INPP5B: variants seen among roughly 807,000 people sequenced by gnomAD.
INPP5B encodes type II inositol 1,4,5-trisphosphate 5-phosphatase.
Under a neutral mutation model 118.5 loss-of-function variants are expected in INPP5B, and 90 were observed. The observed-to-expected ratio is 0.76, with a 90% CI of 0.64 to 0.90. The LOEUF is 0.90. Ranked by LOEUF, INPP5B falls within the 40% of genes least tolerant of loss-of-function variation. The probability of loss-of-function intolerance (pLI) is 0.00; values close to 1 mark genes in which losing one functional copy is unlikely to be tolerated. For missense variants in INPP5B, 984 were observed against 1,125.6 expected, an observed-to-expected ratio of 0.87 and a Z score of 1.80; for synonymous variants, 385 against 418.9, an observed-to-expected ratio of 0.92 and a Z score of 0.99.
chr1:37,891,242 A>AT, intron 8 of INPP5B, 116 bp downstream of exon 8: 1 of 636,690 alleles, frequency 1.6e-6, no homozygotes, highest in East Asian at 2.9e-5. Flanking sequence ...AAAAAAAAAA[A>AT]GGACACTTCC....
At chr1:37,868,210 G>A (rs1198636176) in intron 20 of INPP5B, among the ~76,000 whole-genome samples, 3 of 151,338 alleles carry the variant, frequency 2.0e-5, no homozygotes, top group African/African-American at 7.3e-5. Context: ...CTACCTGGGA[G>A]ACTGAGGCGG....
chr1:37,920,715 T>C (rs1038114817), intron 7 of INPP5B, among the ~76,000 whole-genome samples: 4 of 151,122 alleles, frequency 2.6e-5, no homozygotes, highest in Non-Finnish European at 5.9e-5. Flanking sequence ...AGGTCTCAAG[T>C]GCGACCTGAG....
chr1:37,923,837 G>A (rs774137774), intron 7 of INPP5B, among the ~76,000 whole-genome samples: 8 of 151,678 alleles, frequency 5.3e-5, no homozygotes, highest in Non-Finnish European at 1.0e-4. Context: ...GTGCAGTGGC[G>A]TGATCTCTGC....
Position 37,907,750 on chromosome 1 carries a change from A to C in INPP5B, c.533-16296T>G, listed in dbSNP as rs1644546827. Among the ~76,000 whole-genome samples the C allele has an allele frequency of 6.6e-6, 1 of 152,206 alleles. No homozygotes were observed. The highest frequency in any genetic ancestry group is 1.5e-5 in the Non-Finnish European group (1 of 68,032). ...ATTCCCTCCAGTGCCTTGACAATTT[A>C]CAAATGCCACGGTAATGTCAGGAAG... On this transcript the variant is annotated intron_variant, in intron 7 of 23. Coordinates refer to ENST00000373024, the MANE Select transcript of INPP5B (RefSeq NM_005540.3). This position sits in a 1 kb window ranked among gnomAD's most constrained non-coding sequence, Gnocchi z 4.3.
rs1338208295 is a variant in INPP5B, at chr1:37,931,479, C to T, written c.532+434G>A. On this transcript the variant is annotated intron_variant, in intron 7 of 23. Coordinates refer to ENST00000373024, the MANE Select transcript of INPP5B (RefSeq NM_005540.3). ...CAAGTACCCCATTCCCACCCGCCTA[C>T]CCTCGTCACGCACGCCTAAGAAGAA... The T allele has an allele frequency of 6.5e-6, 10 of 1,533,464 alleles. No individual in the cohort carries two copies. The South Asian group carries it at 9.6e-5, about 15-fold the overall frequency. 95.0% of individuals were successfully genotyped at this position (1,533,464 alleles called of 1,614,324 possible).
intron 6 of INPP5B, among the ~76,000 whole-genome samples, 156 bp from the exon 7 acceptor site, chr1:37,932,209 A>C (rs1023823647): frequency 4.6e-5 from 7 of 152,140 alleles, no homozygotes; most frequent in Non-Finnish European, 8.8e-5. Context: ...TGTGAACACA[A>C]AAGTACTATT....
intron 6 of INPP5B, among the ~76,000 whole-genome samples, chr1:37,939,341 G>T (rs1189649976): frequency 6.6e-6 from 1 of 151,830 alleles, no homozygotes; most frequent in Admixed American, 6.6e-5. Flanking sequence ...TCCAGCCTGG[G>T]CAACAAGAGC....
intron 3 of INPP5B, among the ~76,000 whole-genome samples, chr1:37,944,788 G>A (rs981615496): frequency 6.6e-6 from 1 of 151,520 alleles, no homozygotes; most frequent in Non-Finnish European, 1.5e-5. Flanking sequence ...GGGAGCGGGA[G>A]GTGGGGCGGG....
In INPP5B at chr1:37,878,344, T is replaced by C. The variant is rs896425164; in HGVS notation, c.1542-21A>G. On this transcript the variant is annotated intron_variant, in intron 15 of 23. Transcript: ENST00000373024. ...TCTCACTGAAATGCAAAGTCCACAC[T>C]GGAAGTACTCACAGAAACAGCAGTG... is the stretch of plus-strand genomic sequence containing the variant. 6 of 1,613,146 alleles carry C rather than the reference T, an allele frequency of 3.7e-6. No individual in the cohort carries two copies. In the African/African-American group the frequency reaches 6.7e-5, roughly 18 times the overall value.
chr1:37,871,365 G>A (rs1642421795), intron 19 of INPP5B, among the ~76,000 whole-genome samples: 1 of 149,838 alleles, frequency 6.7e-6, no homozygotes, highest in Admixed American at 6.7e-5. Flanking sequence ...GGCTGAGGCA[G>A]GAGAATCGTT....
Position 37,943,766 on chromosome 1 carries a change from G to A in INPP5B, c.250+30C>T, listed in dbSNP as rs1308362743. 5.0e-6 allele frequency: 8 copies of A among 1,611,232 alleles called. No homozygotes were observed. In the South Asian group the frequency reaches 7.7e-5, roughly 15 times the overall value. On this transcript the variant is annotated intron_variant, in intron 4 of 23. Coordinates refer to ENST00000373024, the MANE Select transcript of INPP5B (RefSeq NM_005540.3). ...GATGAGCTGGGGGGCCCATAGGAGA[G>A]GATTCATACCACCCAGCCCCCTGTG... is the stretch of plus-strand genomic sequence containing the variant.
At chr1:37,928,872 G>A (rs1453119784) in intron 7 of INPP5B, 2 of 152,008 alleles carry the variant, frequency 1.3e-5, no homozygotes, top group African/African-American at 2.4e-5. Flanking sequence ...TATGCATATA[G>A]GAAAAAACAA....
intron 7 of INPP5B, among the ~76,000 whole-genome samples, 197 bp from the exon 8 acceptor site, chr1:37,891,651 G>A (rs1260739170): frequency 6.6e-6 from 1 of 151,948 alleles, no homozygotes; most frequent in Admixed American, 6.6e-5. Context: ...GTGCATGCCT[G>A]TAATCCCAAT....
chr1:37,882,454 C>T (rs186254784), intron 14 of INPP5B, among the ~76,000 whole-genome samples: 86 of 152,302 alleles, frequency 5.6e-4, no homozygotes, highest in African/African-American at 2.0e-3. Context: ...GAAGGAGGCT[C>T]ATTCTAAAAA....
intron 4 of INPP5B, 34 bp from the exon 5 acceptor site, chr1:37,943,703 T>C (rs762889202): frequency 6.2e-7 from 1 of 1,613,790 alleles, no homozygotes; most frequent in East Asian, 2.2e-5. Flanking sequence ...CCCTTAGCAA[T>C]TGAGCTTACT....
chr1:37,887,178 C>T (rs1306884321), intron 11 of INPP5B, among the ~76,000 whole-genome samples, 173 bp downstream of exon 11: 2 of 152,098 alleles, frequency 1.3e-5, no homozygotes, highest in Non-Finnish European at 2.9e-5. Flanking sequence ...CTACGAGTGG[C>T]GAGACCCTGC....
chr1:37,931,803 C>A (rs1243215170), intron 7 of INPP5B, 110 bp downstream of exon 7: 52 of 1,607,534 alleles, frequency 3.2e-5, no homozygotes, highest in Non-Finnish European at 4.2e-5. Context: ...CCCGCTCCAT[C>A]AATCGAAAGC....
At chr1:37,895,253 T>G (rs1643984902) in intron 7 of INPP5B, among the ~76,000 whole-genome samples, 1 of 152,220 alleles carries the variant, frequency 6.6e-6, no homozygotes. Context: ...ACAGACACTT[T>G]GGAAGACAGC....
chr1:37,891,189 T>G (rs1331395926), intron 8 of INPP5B, among the ~76,000 whole-genome samples, 169 bp downstream of exon 8: 1 of 147,822 alleles, frequency 6.8e-6, no homozygotes, highest in South Asian at 2.1e-4. Context: ...ATCATGCCAC[T>G]GAACTCCAGC....
Sources: gnomAD v4.1 joint callset for allele counts (sites outside exome capture counted in the v4.1 genomes callset) on GRCh38, gnomAD v4.1.1 for gene constraint, Gnocchi (gnomAD v3.1) non-coding constraint, MANE v1.5 for transcripts, NCBI Gene and HGNC (gene_info 2026-07-23, HGNC 2026-07-21) for gene names.